Variants in PRKG1 observed in about 807,000 individuals in gnomAD.
PRKG1 encodes protein kinase cGMP-dependent 1.
In PRKG1, 35 loss-of-function variants were observed where a neutral mutation model predicts 88.1. The ratio of observed to expected loss-of-function variants is 0.40; its 90% confidence interval spans 0.30 to 0.53. The LOEUF is 0.53. Among genes scored for constraint, PRKG1 ranks in the 20% least tolerant of loss-of-function variants. The pLI is 0.59. For missense variants in PRKG1, 540 were observed against 839.8 expected (o/e 0.64, Z 4.41); for synonymous variants, 303 against 292.5 (o/e 1.04, Z -0.37).
At chr10:52,061,456 TAGAC>T (rs1846232903) in intron 6 of PRKG1, among the ~76,000 whole-genome samples, 1 of 152,086 alleles carries the variant, frequency 6.6e-6, no homozygotes, top group African/African-American at 2.4e-5. Flanking sequence ...GGATGACACA[TAGAC>T]AGTTTTGTGA....
intron 2 of PRKG1, among the ~76,000 whole-genome samples, chr10:51,258,398 G>T (rs1326711476): frequency 6.6e-6 from 1 of 152,132 alleles, no homozygotes; most frequent in Admixed American, 6.5e-5. Context: ...TTTCTTTCTG[G>T]CTTTTATAGC....
chr10:51,913,422 T>C (rs886389818), intron 5 of PRKG1, among the ~76,000 whole-genome samples: 2 of 152,236 alleles, frequency 1.3e-5, no homozygotes, highest in African/African-American at 2.4e-5. Flanking sequence ...TATGTCCATG[T>C]GCACTCAATG....
At chr10:51,154,008 G>T (rs1041658686) in intron 2 of PRKG1, among the ~76,000 whole-genome samples, 2 of 151,980 alleles carry the variant, frequency 1.3e-5, no homozygotes, top group African/African-American at 4.8e-5. Flanking sequence ...AGTAGCTTGA[G>T]ATAATGACTG....
At chr10:51,140,189 T>C (rs1814204493) in intron 1 of PRKG1, among the ~76,000 whole-genome samples, 1 of 152,214 alleles carries the variant, frequency 6.6e-6, no homozygotes, top group African/African-American at 2.4e-5. Context: ...AAGTAGATCT[T>C]CCCCTTTATT....
chr10:51,204,705 C>G (rs2132061266), intron 2 of PRKG1, among the ~76,000 whole-genome samples: 1 of 152,184 alleles, frequency 6.6e-6, no homozygotes, highest in South Asian at 2.1e-4. Context: ...TCACCAGACC[C>G]CAGATCCCAG....
At chr10:51,405,460 A>G (rs1383216630) in intron 2 of PRKG1, among the ~76,000 whole-genome samples, 1 of 152,214 alleles carries the variant, frequency 6.6e-6, no homozygotes, top group Non-Finnish European at 1.5e-5. Context: ...AAAATTCATC[A>G]ATAGAAGGAT....
chr10:52,101,264 G>A (rs2132566425), intron 7 of PRKG1, among the ~76,000 whole-genome samples: 1 of 152,250 alleles, frequency 6.6e-6, no homozygotes, highest in African/African-American at 2.4e-5. Flanking sequence ...AACACTGCTA[G>A]TATTTCAGAG....
At chr10:51,056,607 T>G (rs559991818) in intron 1 of PRKG1, among the ~76,000 whole-genome samples, 14 of 152,334 alleles carry the variant, frequency 9.2e-5, no homozygotes, top group Admixed American at 8.5e-4. Context: ...TCCAATTCAT[T>G]TGACATCATG....
At chr10:52,231,830 G>A (rs969939786) in intron 9 of PRKG1, among the ~76,000 whole-genome samples, 2 of 152,094 alleles carry the variant, frequency 1.3e-5, no homozygotes, top group Non-Finnish European at 2.9e-5. Flanking sequence ...TAACACTCTA[G>A]AAATTAACAA....
intron 5 of PRKG1, among the ~76,000 whole-genome samples, chr10:52,034,041 G>T (rs1450904548): frequency 6.6e-6 from 1 of 151,726 alleles, no homozygotes; most frequent in East Asian, 1.9e-4. Context: ...ATCACTTAAG[G>T]CAAGGACTGG....
chr10:51,250,277 C>T (rs1316970202), intron 2 of PRKG1, among the ~76,000 whole-genome samples: 1 of 151,874 alleles, frequency 6.6e-6, no homozygotes, highest in East Asian at 1.9e-4. Context: ...TACTAGGAAA[C>T]ATTCTATGAG....
At chr10:51,400,836 C>T (rs972157181) in intron 2 of PRKG1, among the ~76,000 whole-genome samples, 2 of 152,110 alleles carry the variant, frequency 1.3e-5, no homozygotes, top group African/African-American at 4.8e-5. Flanking sequence ...AATGACTTTC[C>T]TCAGGTGTGT....
intron 2 of PRKG1, among the ~76,000 whole-genome samples, chr10:51,153,598 C>T (rs564980390): frequency 2.7e-4 from 41 of 152,046 alleles, no homozygotes; most frequent in African/African-American, 9.6e-4. Flanking sequence ...GTTTATTACA[C>T]TGAATATTCT....
chr10:51,856,544 T>C (rs1451312961), intron 4 of PRKG1, among the ~76,000 whole-genome samples: 1 of 152,204 alleles, frequency 6.6e-6, no homozygotes, highest in Non-Finnish European at 1.5e-5. Flanking sequence ...AACCTTTTTT[T>C]TGCCCCAGTT....
chr10:51,406,876 C>CGATCAG (rs1214080799), intron 2 of PRKG1, among the ~76,000 whole-genome samples: 4 of 152,098 alleles, frequency 2.6e-5, no homozygotes, highest in African/African-American at 9.7e-5. Context: ...TTAACTCACA[C>CGATCAG]GATCAGAAGG....
At chr10:52,172,023 C>G (rs1042440137) in intron 9 of PRKG1, among the ~76,000 whole-genome samples, 1 of 150,858 alleles carries the variant, frequency 6.6e-6, no homozygotes, top group Non-Finnish European at 1.5e-5. Context: ...AGGATGGTCT[C>G]GATCTCCTGA....
intron 2 of PRKG1, among the ~76,000 whole-genome samples, chr10:51,333,778 G>GA (rs1841798799): frequency 6.6e-6 from 1 of 152,172 alleles, no homozygotes; most frequent in East Asian, 1.9e-4. Context: ...ATGGAAGACA[G>GA]AAAATCCAAG....
In PRKG1 at chr10:51,756,478, C is replaced by T. The variant is rs148335180; in HGVS notation, c.593-48107C>T. ...CTCCAGCATGGGCAACAGAGTGAGA[C>T]TGTCTCAAAAAAAAAAAAAAAAGTC... On this transcript the variant is annotated intron_variant, in intron 3 of 17. Transcript: ENST00000373980. Among the ~76,000 whole-genome samples the T allele has an allele frequency of 4.5e-3, 546 of 120,366 alleles. 3 individuals carry two copies. Among genetic ancestry groups the T allele is most frequent in the African/African-American group, 0.011 (363 of 32,210 alleles). The allele number at this position is 120,366 out of a possible 152,430, so 79.0% of individuals were successfully genotyped here.
chr10:51,512,361 C>T (rs1193434663), intron 3 of PRKG1, among the ~76,000 whole-genome samples: 1 of 120,522 alleles, frequency 8.3e-6, no homozygotes, highest in Non-Finnish European at 1.6e-5. Context: ...CACCCCACCA[C>T]AGTCTCCAGA....
Sources: gnomAD v4.1 joint callset for allele counts (sites outside exome capture counted in the v4.1 genomes callset) on GRCh38, gnomAD v4.1.1 for gene constraint, MANE v1.5 for transcripts, NCBI Gene and HGNC (gene_info 2026-07-23, HGNC 2026-07-21) for gene names.